The following PDE1A variants were observed in gnomAD, a reference collection of about 807,000 sequenced individuals.
PDE1A encodes dual specificity calcium/calmodulin-dependent 3',5'-cyclic nucleotide phosphodiesterase 1A.
Under a neutral mutation model 61.7 loss-of-function variants are expected in PDE1A, and 35 were observed. That is an observed-to-expected ratio of 0.57 (90% CI 0.43 to 0.75). The LOEUF is 0.75. Ranked by LOEUF, PDE1A falls within the 30% of genes least tolerant of loss-of-function variation. The probability of loss-of-function intolerance (pLI) is 0.00; values close to 1 mark genes in which losing one functional copy is unlikely to be tolerated. For synonymous variants in PDE1A, 232 were observed against 213.2 expected, an observed-to-expected ratio of 1.09 and a Z score of -0.77; for missense variants, 597 against 630.6, an observed-to-expected ratio of 0.95 and a Z score of 0.57.
intron 2 of PDE1A, among the ~76,000 whole-genome samples, chr2:182,438,490 C>A (rs930789714): frequency 6.6e-6 from 1 of 151,636 alleles, no homozygotes; most frequent in Non-Finnish European, 1.5e-5. Context: ...ATAAAAGGAA[C>A]AAAAGAGGCA....
the PDE1A span, among the ~76,000 whole-genome samples, chr2:182,538,955 C>G: frequency 1.3e-5 from 2 of 152,168 alleles, no homozygotes; most frequent in Non-Finnish European, 2.9e-5. Flanking sequence ...CAAAATCAAT[C>G]TATTGTGTTA....
At chr2:182,167,448 G>A (rs933673234), downstream of PDE1A, among the ~76,000 whole-genome samples, 4 of 151,980 alleles carry the variant, frequency 2.6e-5, no homozygotes, top group Admixed American at 1.3e-4. Flanking sequence ...AATCCCCACC[G>A]CAAAATGAAC....
At chr2:182,168,380 G>T in intron 13 of PDE1A, 1 of 1,164,758 alleles carries the variant, frequency 8.6e-7, no homozygotes, top group Non-Finnish European at 1.2e-6. Flanking sequence ...TTTATAATCA[G>T]CCATGATTGT....
At chr2:182,373,983 T>G (rs1700257677) in intron 1 of PDE1A, among the ~76,000 whole-genome samples, 2 of 152,158 alleles carry the variant, frequency 1.3e-5, no homozygotes, top group South Asian at 4.1e-4. Flanking sequence ...CAATAAATAT[T>G]AATGGCTTTG....
intron 2 of PDE1A, among the ~76,000 whole-genome samples, chr2:182,477,400 A>G (rs1010252417): frequency 6.6e-6 from 1 of 151,928 alleles, no homozygotes; most frequent in East Asian, 1.9e-4. Flanking sequence ...ACACTTGACA[A>G]TTTAATTATA....
At chr2:182,280,243 A>G (rs1334474583) in intron 1 of PDE1A, among the ~76,000 whole-genome samples, 1 of 151,794 alleles carries the variant, frequency 6.6e-6, no homozygotes, top group Non-Finnish European at 1.5e-5. Context: ...CATCTTCCAA[A>G]TATCAATCAG....
At chr2:182,609,908 C>T in the PDE1A span, among the ~76,000 whole-genome samples, 1 of 152,030 alleles carries the variant, frequency 6.6e-6, no homozygotes, top group Non-Finnish European at 1.5e-5. Flanking sequence ...GCCAACATGG[C>T]AAAACCCCAT....
intron 2 of PDE1A, among the ~76,000 whole-genome samples, chr2:182,499,046 G>A (rs1223942370): frequency 1.3e-5 from 2 of 151,702 alleles, no homozygotes; most frequent in East Asian, 2.0e-4. Flanking sequence ...GGAGTGCAAC[G>A]GTGCAATCTC....
chr2:182,699,072 A>C, the PDE1A span, among the ~76,000 whole-genome samples: 1 of 152,240 alleles, frequency 6.6e-6, no homozygotes, highest in Non-Finnish European at 1.5e-5. Context: ...GCCCTTTATC[A>C]GTAAAAATAA....
At chr2:182,355,174 TATATG>T (rs1559369404) in intron 1 of PDE1A, among the ~76,000 whole-genome samples, 1 of 151,974 alleles carries the variant, frequency 6.6e-6, no homozygotes, top group African/African-American at 2.4e-5. Flanking sequence ...AAGAAATGTA[TATATG>T]TAAATATTCT....
intron 1 of PDE1A, among the ~76,000 whole-genome samples, chr2:182,304,103 G>A (rs571347287): frequency 1.3e-5 from 2 of 152,166 alleles, no homozygotes; most frequent in East Asian, 1.9e-4. Flanking sequence ...GTTTCACCAC[G>A]TTGGCCCTTG....
rs1356092688 is a variant in PDE1A, at chr2:182,212,815, T to G, written c.777-6750A>C. On this transcript the variant is annotated intron_variant, in intron 7 of 13. Transcript: ENST00000351439. ...CTAGCACAGCAGTCTGAGATCAAAC[T>G]GCAAGGCGGCAGGGAGGCCAGGGGA... 3.9e-5 allele frequency among the ~76,000 whole-genome samples: 6 copies of G among 152,176 alleles called. No individual in the cohort carries two copies. The East Asian group carries it at 9.6e-4, about 24-fold the overall frequency.
At chr2:182,325,740 A>G (rs574097315) in intron 1 of PDE1A, among the ~76,000 whole-genome samples, 1 of 152,252 alleles carries the variant, frequency 6.6e-6, no homozygotes, top group Admixed American at 6.5e-5. Flanking sequence ...CAACATGGTG[A>G]AACCCCGTCT....
chr2:182,702,565 A>T, the PDE1A span, among the ~76,000 whole-genome samples: 1 of 152,246 alleles, frequency 6.6e-6, no homozygotes, highest in Non-Finnish European at 1.5e-5. Context: ...TTCATAAAAT[A>T]TGCACAATGA....
chr2:182,268,798 C>G (rs755050232), intron 1 of PDE1A, among the ~76,000 whole-genome samples: 4 of 152,052 alleles, frequency 2.6e-5, no homozygotes, highest in East Asian at 1.9e-4. Context: ...TTTGAAGATG[C>G]CTGTTCATTG....
the PDE1A span, among the ~76,000 whole-genome samples, chr2:182,615,516 C>G: frequency 1.7e-3 from 255 of 152,168 alleles, 4 homozygotes; most frequent in African/African-American, 5.9e-3. Flanking sequence ...TAGCAATTTC[C>G]CTATTAAGAT....
At chr2:182,715,682 A>G in the PDE1A span, among the ~76,000 whole-genome samples, 1 of 152,220 alleles carries the variant, frequency 6.6e-6, no homozygotes, top group African/African-American at 2.4e-5. Flanking sequence ...TCTAGCTTGT[A>G]TGACTCAGAA....
intron 1 of PDE1A, among the ~76,000 whole-genome samples, chr2:182,331,364 T>C (rs957447525): frequency 2.2e-4 from 33 of 152,224 alleles, no homozygotes; most frequent in African/African-American, 7.5e-4. Flanking sequence ...AAGGTTAATA[T>C]TGTTATGTGT....
the PDE1A span, among the ~76,000 whole-genome samples, chr2:182,600,861 CT>C: frequency 6.6e-6 from 1 of 152,204 alleles, no homozygotes; most frequent in East Asian, 1.9e-4. Flanking sequence ...TCAGTCTTTC[CT>C]TGATCAATGG....
Sources: allele counts gnomAD v4.1 joint callset (sites outside exome capture counted in the v4.1 genomes callset), GRCh38; gene constraint gnomAD v4.1.1; transcripts MANE v1.5; gene names NCBI Gene and HGNC (gene_info 2026-07-23, HGNC 2026-07-21).